The following MMUT variants were observed in gnomAD, a reference collection of about 807,000 sequenced individuals.
MMUT encodes the protein methylmalonyl-CoA mutase, also known as methylmalonyl-CoA mutase, mitochondrial.
MMUT carries 79 observed loss-of-function variants against 79.9 expected under a neutral mutation model. That is an observed-to-expected ratio of 0.99 (90% CI 0.82 to 1.19). MMUT has a LOEUF of 1.19. MMUT is among the 50% of genes most tolerant of loss of function. The probability of loss-of-function intolerance (pLI) is 0.00; values close to 1 mark genes in which losing one functional copy is unlikely to be tolerated. For missense variants in MMUT, 860 were observed against 917.2 expected (o/e 0.94, Z 0.81); for synonymous variants, 273 against 295.7 (o/e 0.92, Z 0.79).
intron 12 of MMUT, 85 bp downstream of exon 12, chr6:49,435,371 T>C: frequency 1.5e-6 from 2 of 1,344,224 alleles, no homozygotes; most frequent in Non-Finnish European, 2.1e-6. Flanking sequence ...TTCCTAAATC[T>C]ACAAGTTTAT....
chr6:49,431,685 C>A lies in MMUT; in HGVS notation c.*43G>T, dbSNP rs868855862. ...GCTTTACTCTCTTCTTTGATCATAACTAAAATAATATTTTAGACAAAAGCT... is the reference window on the plus strand; with the variant it reads ...GCTTTACTCTCTTCTTTGATCATAAATAAAATAATATTTTAGACAAAAGCT... On this transcript the variant is annotated 3_prime_UTR_variant, in exon 13 of 13. Coordinates refer to ENST00000274813, the MANE Select transcript of MMUT (RefSeq NM_000255.4). The A allele has an allele frequency of 1.9e-6, 3 of 1,584,964 alleles. No homozygotes were observed. The highest frequency in any genetic ancestry group is 3.3e-4 in the Middle Eastern group (2 of 6,002).
At chr6:49,452,276 C>A (rs1410384829) in intron 5 of MMUT, among the ~76,000 whole-genome samples, 1 of 152,012 alleles carries the variant, frequency 6.6e-6, no homozygotes, top group Non-Finnish European at 1.5e-5. Context: ...TATTAAAGTT[C>A]CTTCCAACCC....
chr6:49,451,307 A>AT lies in MMUT; in HGVS notation c.1332+158dup, dbSNP rs559436842. 1.4e-4 allele frequency among the ~76,000 whole-genome samples: 22 copies of AT among 151,998 alleles called. 1 individual carries two copies. In the East Asian group the frequency reaches 3.5e-3, roughly 24 times the overall value. ...TTGAAAACTATAAAATCAAATCTGAATTTTTTTTGCAAACATCGTTTAAAT... is the reference window on the plus strand; with the variant it reads ...TTGAAAACTATAAAATCAAATCTGAATTTTTTTTTGCAAACATCGTTTAAAT... On this transcript the variant is annotated intron_variant, in intron 6 of 12. Transcript: ENST00000274813.
intron 3 of MMUT, 64 bp downstream of exon 3, chr6:49,457,627 C>T: frequency 7.3e-7 from 1 of 1,368,162 alleles, no homozygotes; most frequent in Non-Finnish European, 1.0e-6. Context: ...TCAGTTATAG[C>T]ATGTTGTAAA....
rs398123277 is a variant in MMUT, at chr6:49,440,307, CAAG to C, written c.1852_1854del (p.Leu618del). On this transcript the variant is annotated inframe_deletion, in exon 11 of 13. Transcript: ENST00000274813. ...TGGCCATCTTGTCCCATTTTTGCTACAAGAAGACGAGGTCTGCGACCTTCACGT... is the reference window on the plus strand; with the variant it reads ...TGGCCATCTTGTCCCATTTTTGCTACAAGACGAGGTCTGCGACCTTCACGT... 6.2e-7 allele frequency: 1 copy of C among 1,614,038 alleles called. No individual in the cohort carries two copies. Among genetic ancestry groups the C allele is most frequent in the East Asian group, 2.2e-5 (1 of 44,868 alleles).
chr6:49,433,996 C>A (rs1246495261), intron 12 of MMUT, among the ~76,000 whole-genome samples: 1 of 152,118 alleles, frequency 6.6e-6, no homozygotes, highest in East Asian at 1.9e-4. Context: ...AGAATTAATA[C>A]AACTTATTTG....
chr6:49,450,365 C>T (rs1040255451), intron 6 of MMUT, among the ~76,000 whole-genome samples: 1 of 150,216 alleles, frequency 6.7e-6, no homozygotes, highest in Non-Finnish European at 1.5e-5. Flanking sequence ...AGAAATAATA[C>T]AAGAAAATTT....
At chr6:49,433,326 G>A (rs1278239898) in intron 12 of MMUT, among the ~76,000 whole-genome samples, 2 of 152,138 alleles carry the variant, frequency 1.3e-5, no homozygotes, top group African/African-American at 4.8e-5. Context: ...GATTCAACTG[G>A]AAGAGAACTG....
chr6:49,444,034 A>G (rs925893632), intron 9 of MMUT, among the ~76,000 whole-genome samples: 2 of 152,178 alleles, frequency 1.3e-5, no homozygotes, highest in Non-Finnish European at 2.9e-5. Context: ...TAGTGAACTT[A>G]GTAAGAGCAA....
At position 49,460,966 on chromosome 6, in the gene MMUT, G is replaced by A. The variant is rs372704498; in HGVS notation, c.-39-1461C>T. ...ATTCCACTGAGGAACATTACTCCTG[G>A]GAAAGCTTCTGTAGTAATATATAAA... On this transcript the variant is annotated intron_variant, in intron 1 of 12. Coordinates refer to ENST00000274813, the MANE Select transcript of MMUT (RefSeq NM_000255.4). 2.2e-4 allele frequency among the ~76,000 whole-genome samples: 34 copies of A among 152,234 alleles called. No homozygotes were observed. In the Middle Eastern group the frequency reaches 0.01, roughly 46 times the overall value.
intron 7 of MMUT, among the ~76,000 whole-genome samples, chr6:49,448,344 A>G (rs965077368): frequency 1.3e-5 from 2 of 152,010 alleles, no homozygotes; most frequent in Non-Finnish European, 2.9e-5. Context: ...ATCATGATCT[A>G]TAATTCTTTA....
intron 8 of MMUT, among the ~76,000 whole-genome samples, chr6:49,446,420 T>C (rs909660371): frequency 2.6e-5 from 4 of 151,938 alleles, no homozygotes; most frequent in African/African-American, 9.7e-5. Context: ...GTCATGGTCC[T>C]AAGAAAGTTC....
chr6:49,435,372 A>T, intron 12 of MMUT, 84 bp downstream of exon 12: 1 of 1,345,542 alleles, frequency 7.4e-7, no homozygotes, highest in Non-Finnish European at 1.1e-6. Flanking sequence ...TCCTAAATCT[A>T]CAAGTTTATC....
intron 11 of MMUT, among the ~76,000 whole-genome samples, chr6:49,438,183 G>A (rs944857622): frequency 5.3e-5 from 8 of 151,988 alleles, no homozygotes; most frequent in African/African-American, 1.7e-4. Flanking sequence ...TAGTAGAGAA[G>A]GCTTTTCATA....
At chr6:49,438,504 T>A (rs6941276) in intron 11 of MMUT, among the ~76,000 whole-genome samples, 32,200 of 152,156 alleles carry the variant, frequency 0.21, 3,642 homozygotes, top group South Asian at 0.28. Context: ...TTGAAAGTAA[T>A]CTTCATAGTT....
chr6:49,432,638 T>TG (rs1326215689), intron 12 of MMUT, among the ~76,000 whole-genome samples: 4 of 152,100 alleles, frequency 2.6e-5, no homozygotes, highest in Non-Finnish European at 5.9e-5. Flanking sequence ...CCGCCCACCT[T>TG]GGCCTCCCAA....
chr6:49,445,651 G>A (rs539075946), intron 8 of MMUT, among the ~76,000 whole-genome samples: 7 of 152,082 alleles, frequency 4.6e-5, no homozygotes, highest in African/African-American at 1.7e-4. Flanking sequence ...CTAATACAAT[G>A]TAAATACTAT....
chr6:49,449,432 C>T (rs1264133660), intron 6 of MMUT, among the ~76,000 whole-genome samples: 3 of 152,094 alleles, frequency 2.0e-5, no homozygotes, highest in African/African-American at 7.2e-5. Flanking sequence ...ACCTGCTTTT[C>T]CCTGATGAAT....
chr6:49,455,882 T>G (rs1336976325), intron 4 of MMUT, among the ~76,000 whole-genome samples, 198 bp downstream of exon 4: 1 of 152,182 alleles, frequency 6.6e-6, no homozygotes, highest in Non-Finnish European at 1.5e-5. Context: ...ATTCCTCAAA[T>G]TTACAAAGAA....
Sources: gnomAD v4.1 joint callset for allele counts (sites outside exome capture counted in the v4.1 genomes callset) on GRCh38, gnomAD v4.1.1 for gene constraint, MANE v1.5 for transcripts, NCBI Gene and HGNC (gene_info 2026-07-23, HGNC 2026-07-21) for gene names.